EEF2KMT: variants seen among roughly 807,000 people sequenced by gnomAD.
EEF2KMT encodes protein-lysine N-methyltransferase EEF2KMT.
EEF2KMT carries 30 observed loss-of-function variants against 35.1 expected under a neutral mutation model. The ratio of observed to expected loss-of-function variants is 0.85; its 90% CI spans 0.64 to 1.16. The LOEUF is 1.16. Ranked by LOEUF, EEF2KMT falls within the 50% of genes most tolerant of loss-of-function variation. The pLI is 0.00. For missense variants in EEF2KMT, 499 were observed against 438.2 expected (o/e 1.14, Z -1.24); for synonymous variants, 190 against 187.7 (o/e 1.01, Z -0.10).
In EEF2KMT at chr16:5,097,723, T is replaced by A; in HGVS notation, c.17A>T (p.Asn6Ile). MAPEE[N>I]AGTELLLQSF... ...CTGCAGCAAGAGTTCGGTCCCCGCGTTCTCCTCGGGCGCCATGACGTGGGC... is the reference window on the plus strand; with the variant it reads ...CTGCAGCAAGAGTTCGGTCCCCGCGATCTCCTCGGGCGCCATGACGTGGGC... The change falls in exon 1 of 8, where the codon AAC (asparagine) becomes ATC (isoleucine). Residue 6 changes from asparagine (N) to isoleucine (I), a missense_variant. Asn to Ile is a moderately radical substitution (Grantham distance 149). Transcript: ENST00000427587. 6.4e-7 allele frequency: 1 copy of A among 1,569,432 alleles called. No homozygotes were observed. The highest frequency in any genetic ancestry group is 1.3e-5 in the African/African-American group (1 of 74,138).
intron 1 of EEF2KMT, among the ~76,000 whole-genome samples, chr16:5,096,572 A>C (rs1012015700): frequency 6.6e-6 from 1 of 152,170 alleles, no homozygotes; most frequent in African/African-American, 2.4e-5. Context: ...TATATCCCCC[A>C]TTTTATTAAT....
Position 5,097,472 on chromosome 16 carries a change from G to C in EEF2KMT, c.96+172C>G, listed in dbSNP as rs192972540. 2.6e-3 allele frequency: 3,606 copies of C among 1,413,096 alleles called. 81 individuals are homozygous for C. In the African/African-American group the frequency reaches 0.046, roughly 18 times the overall value. The allele number at this position is 1,413,096 out of a possible 1,614,324, so 87.5% of individuals were successfully genotyped here. A position where few individuals can be genotyped will look rare whatever the true frequency, so the allele number is the denominator to read the frequency against. On this transcript the variant is annotated intron_variant, in intron 1 of 7. Coordinates refer to ENST00000427587, the MANE Select transcript of EEF2KMT (RefSeq NM_201400.4). ...CCAGCTCGCGGGGCAGGAGGGGTGC[G>C]AGCGACTCTGGCCAGGCCCCAGGGA...
At chr16:5,096,250 C>T (rs1957462009) in intron 1 of EEF2KMT, among the ~76,000 whole-genome samples, 1 of 152,222 alleles carries the variant, frequency 6.6e-6, no homozygotes, top group South Asian at 2.1e-4. Context: ...CCCTGATTCC[C>T]TGACTTTGGT....
rs1409284899 is a variant in EEF2KMT at position 5,090,012 on chromosome 16, T to C, written c.742+72A>G. On this transcript the variant is annotated intron_variant, in intron 6 of 7. Coordinates refer to ENST00000427587, the MANE Select transcript of EEF2KMT (RefSeq NM_201400.4). The surrounding 1 kb of genome is among the most constrained non-coding windows in gnomAD (Gnocchi z 4.1). ...TGCCCGACAGCGTCCATTGTTCCCT[T>C]TTCCCAGAGCCAAGAGCTGGGTAGA... 2 of 1,590,024 alleles carry C rather than the reference T, an allele frequency of 1.3e-6. No homozygotes were observed. The highest frequency in any genetic ancestry group is 1.3e-5 in the African/African-American group (1 of 74,632).
At chr16:5,097,523 C>T (rs751109923) in intron 1 of EEF2KMT, 121 bp downstream of exon 1, 10 of 1,484,182 alleles carry the variant, frequency 6.7e-6, no homozygotes, top group African/African-American at 1.4e-5. Context: ...GCGGCCCTGA[C>T]CGGCGGGAGC....
Position 5,090,101 on chromosome 16 carries a change from T to C in EEF2KMT, c.725A>G (p.Asp242Gly). Residue 242 changes from aspartate (D) to glycine (G), a missense_variant, in exon 6 of 8, where the codon GAT becomes GGT. By Grantham distance (94) the Asp-to-Gly change is moderately conservative (BLOSUM62 -1). Coordinates refer to ENST00000427587, the MANE Select transcript of EEF2KMT (RefSeq NM_201400.4). This position sits in a 1 kb window ranked among gnomAD's most constrained non-coding sequence, Gnocchi z 4.1. ...TVHQLSAFQPDVVIAADVLYC... is the reference protein window; with the variant it reads ...TVHQLSAFQPGVVIAADVLYC... Reference sequence around the variant, plus strand: ...GGCATTACCTGCTGCAATGACAACATCTGGCTGGAAGGCAGAGAGCTGATG... The same window carrying C: ...GGCATTACCTGCTGCAATGACAACACCTGGCTGGAAGGCAGAGAGCTGATG... 6.2e-7 allele frequency: 1 copy of C among 1,606,496 alleles called. No homozygotes were observed.
chr16:5,085,314 G>A lies in EEF2KMT; in HGVS notation c.*318C>T. 2.0e-6 allele frequency: 1 copy of A among 489,908 alleles called. No individual in the cohort carries two copies. The allele number at this position is 489,908 out of a possible 1,614,324, so 30.3% of individuals were successfully genotyped here. A position where few individuals can be genotyped will look rare whatever the true frequency, so the allele number is the denominator to read the frequency against. ...TGGGCTTGGCTTTGTGAGGAACTGA[G>A]TGTGTCCACGTTGGGGGAACATCAT... On this transcript the variant is annotated 3_prime_UTR_variant, in exon 8 of 8. Coordinates refer to ENST00000427587, the MANE Select transcript of EEF2KMT (RefSeq NM_201400.4).
In EEF2KMT at chr16:5,085,703, GT is replaced by G. The variant is rs772580812; in HGVS notation, c.921del (p.Glu307AspfsTer20). ...GGAAACAGTTTCTGCTCATGACGAG[GT>G]TCCACTTCCCATCTGATCCCGGCCC... The part of the protein sequence containing the change: ...LGRAGIRWEV[E>X]PRHEQKLFPY... On this transcript the variant is annotated frameshift_variant, in exon 8 of 8. Coordinates refer to ENST00000427587, the MANE Select transcript of EEF2KMT (RefSeq NM_201400.4). LOFTEE classifies it low-confidence loss of function (END_TRUNC). 1 of 1,611,860 alleles carries G rather than the reference GT, an allele frequency of 6.2e-7. No individual in the cohort carries two copies. The highest frequency in any genetic ancestry group is 8.5e-7 in the Non-Finnish European group (1 of 1,179,762).
rs765599429 is a variant in EEF2KMT, at chr16:5,084,873, G to T, written c.*759C>A. 6 of 1,594,826 alleles carry T rather than the reference G, an allele frequency of 3.8e-6. No individual in the cohort carries two copies. In the Admixed American group the frequency reaches 6.7e-5, roughly 18 times the overall value. ...GCAGACTGTGCTCCCTTTGGTTATG[G>T]ACACATAACTCCTGGGCCAGAGGCT... is the stretch of plus-strand genomic sequence containing the variant. On this transcript the variant is annotated 3_prime_UTR_variant, in exon 8 of 8. Transcript: ENST00000427587.
intron 4 of EEF2KMT, among the ~76,000 whole-genome samples, chr16:5,091,433 G>A (rs959267260): frequency 6.6e-6 from 1 of 151,862 alleles, no homozygotes; most frequent in Non-Finnish European, 1.5e-5. Context: ...GGCCAGGTTG[G>A]TCTCGAACTC....
chr16:5,085,736 G>T lies in EEF2KMT; in HGVS notation c.893-4C>A. 1 of 1,607,444 alleles carries T rather than the reference G, an allele frequency of 6.2e-7. No individual in the cohort carries two copies. The highest frequency in any genetic ancestry group is 1.3e-5 in the African/African-American group (1 of 74,846). ...TCCCATCTGATCCCGGCCCGGCCTG[G>T]AAACAGAGCACATGTGTTTGAGGAT... On this transcript the variant is annotated splice_region_variant and splice_polypyrimidine_tract_variant and intron_variant, in intron 7 of 7. Coordinates refer to ENST00000427587, the MANE Select transcript of EEF2KMT (RefSeq NM_201400.4).
At chr16:5,089,471 A>G in intron 6 of EEF2KMT, 2 of 691,432 alleles carry the variant, frequency 2.9e-6, no homozygotes, top group Non-Finnish European at 4.7e-6. Context: ...AAAAGAAAAA[A>G]ATCTCCAGAC....
At position 5,090,183 on chromosome 16, in the gene EEF2KMT, T is replaced by G. The variant is rs769895203; in HGVS notation, c.643A>C (p.Lys215Gln). The change falls in exon 6 of 8, where the codon AAG becomes CAG. Residue 215 changes from lysine to glutamine, a missense_variant. Transcript: ENST00000427587. This position sits in a 1 kb window ranked among gnomAD's most constrained non-coding sequence, Gnocchi z 4.1. ...GLSLEADITA[K>Q]LDSPRVTVAQ... ...ACTGTCACCCTGGGGCTGTCTAACT[T>G]GGCAGTGATGTCTGCCTCTAATGAG... 2.5e-5 allele frequency: 40 copies of G among 1,611,672 alleles called. No individual in the cohort carries two copies. The highest frequency in any genetic ancestry group is 3.0e-5 in the Non-Finnish European group (35 of 1,179,850).
intron 3 of EEF2KMT, 73 bp from the exon 4 acceptor site, chr16:5,091,968 A>C: frequency 6.3e-7 from 1 of 1,597,448 alleles, no homozygotes; most frequent in Non-Finnish European, 8.5e-7. Flanking sequence ...ATTTTCACCA[A>C]GTTTGGAGGG....
chr16:5,094,204 G>C lies in EEF2KMT; in HGVS notation c.160-640C>G, dbSNP rs144678880. On this transcript the variant is annotated intron_variant, in intron 2 of 7. Coordinates refer to ENST00000427587, the MANE Select transcript of EEF2KMT (RefSeq NM_201400.4). ...GTGCCTGCTGGCTGGGAGGGATGCA[G>C]ATTCTGCCCAAGGGCAGCAAAGTAC... is the stretch of plus-strand genomic sequence containing the variant. Among the ~76,000 whole-genome samples the C allele has an allele frequency of 5.3e-3, 801 of 152,328 alleles. 24 individuals are homozygous for C. The highest frequency in any genetic ancestry group is 0.035 in the Admixed American group (535 of 15,292).
intron 7 of EEF2KMT, chr16:5,087,060 A>G (rs1957203799): frequency 6.6e-6 from 1 of 152,228 alleles, no homozygotes; most frequent in Non-Finnish European, 1.5e-5. Flanking sequence ...ATGAATGTGT[A>G]GAAATCTCTA....
At chr16:5,096,547 A>G (rs1224418397) in intron 1 of EEF2KMT, among the ~76,000 whole-genome samples, 1 of 152,226 alleles carries the variant, frequency 6.6e-6, no homozygotes, top group Admixed American at 6.5e-5. Flanking sequence ...AACAACCCTA[A>G]GAGGTAGGTA....
chr16:5,095,743 C>T (rs9673518), intron 1 of EEF2KMT, among the ~76,000 whole-genome samples: 128,755 of 149,462 alleles, frequency 0.86, 55,510 homozygotes, highest in Middle Eastern at 0.91. Context: ...GGCTACTTAG[C>T]GGCCACCCGG....
At position 5,090,371 on chromosome 16, in the gene EEF2KMT, G is replaced by C. The variant is rs780942721; in HGVS notation, c.477-22C>G. ...AGTCCTGGCGGGAGGAAAGGGGACC[G>C]TGTCTGCGACTGCACCAGGGTAAGC... On this transcript the variant is annotated intron_variant, in intron 5 of 7. Coordinates refer to ENST00000427587, the MANE Select transcript of EEF2KMT (RefSeq NM_201400.4). The surrounding 1 kb of genome is among the most constrained non-coding windows in gnomAD (Gnocchi z 4.1). The C allele has an allele frequency of 3.1e-6, 5 of 1,611,124 alleles. No individual in the cohort carries two copies. Among genetic ancestry groups the C allele is most frequent in the Non-Finnish European group, 4.2e-6 (5 of 1,179,584 alleles).
Sources: allele counts gnomAD v4.1 joint callset (sites outside exome capture counted in the v4.1 genomes callset), GRCh38; gene constraint gnomAD v4.1.1; non-coding constraint Gnocchi (gnomAD v3.1); transcripts MANE v1.5; gene names NCBI Gene and HGNC (gene_info 2026-07-23, HGNC 2026-07-21).